The following SV2C variants were observed in gnomAD, a reference collection of about 807,000 sequenced individuals.
The protein encoded by SV2C is solute carrier family 22 member B3.
In SV2C, 49 loss-of-function variants were observed where a neutral mutation model predicts 79.7. That is an observed-to-expected ratio of 0.61 (90% confidence interval 0.49 to 0.78). SV2C has a LOEUF of 0.78. Ranked by LOEUF, SV2C falls within the 30% of genes least tolerant of loss-of-function variation. The pLI, the probability that SV2C is intolerant of heterozygous loss-of-function variation, is 0.00. For synonymous variants in SV2C, 334 were observed against 333.2 expected, an observed-to-expected ratio of 1.00 and a Z score of -0.03; for missense variants, 833 against 912.9, an observed-to-expected ratio of 0.91 and a Z score of 1.13.
the SV2C span, among the ~76,000 whole-genome samples, chr5:75,851,350 T>A: frequency 6.6e-6 from 1 of 152,228 alleles, no homozygotes; most frequent in African/African-American, 2.4e-5. Flanking sequence ...CAGAGTTCAA[T>A]TTTTGAGTTT....
chr5:75,916,217 TTCC>T, the SV2C span, among the ~76,000 whole-genome samples: 1 of 147,586 alleles, frequency 6.8e-6, no homozygotes, highest in Admixed American at 6.7e-5. Flanking sequence ...CCTCCTCCTC[TTCC>T]TCCCCTTCCC....
chr5:75,886,518 C>T, the SV2C span, among the ~76,000 whole-genome samples: 1 of 152,150 alleles, frequency 6.6e-6, no homozygotes, highest in Non-Finnish European at 1.5e-5. Flanking sequence ...TAGTTTTTCT[C>T]ATTTTCAGCC....
chr5:76,061,536 T>C, the SV2C span, among the ~76,000 whole-genome samples: 1 of 152,100 alleles, frequency 6.6e-6, no homozygotes, highest in East Asian at 1.9e-4. Context: ...CCCTGTTTGA[T>C]TCAGAGATAG....
At chr5:76,265,927 T>G (rs907250799) in intron 4 of SV2C, among the ~76,000 whole-genome samples, 1 of 152,172 alleles carries the variant, frequency 6.6e-6, no homozygotes, top group Non-Finnish European at 1.5e-5. Flanking sequence ...TTGGCCATCT[T>G]GCCAGATGCC....
At chr5:76,170,382 G>A (rs1743184619) in intron 2 of SV2C, among the ~76,000 whole-genome samples, 2 of 117,870 alleles carry the variant, frequency 1.7e-5, no homozygotes, top group African/African-American at 6.6e-5. Flanking sequence ...CGTTACACAT[G>A]TGAAACAATC....
chr5:76,187,404 C>T (rs1743954901), intron 2 of SV2C, among the ~76,000 whole-genome samples: 1 of 152,088 alleles, frequency 6.6e-6, no homozygotes, highest in African/African-American at 2.4e-5. Context: ...ATTATCTGCC[C>T]ATGTTTGGTC....
At chr5:75,854,697 GAGA>G in the SV2C span, among the ~76,000 whole-genome samples, 1 of 152,074 alleles carries the variant, frequency 6.6e-6, no homozygotes, top group South Asian at 2.1e-4. Context: ...ATCTTTTGAA[GAGA>G]AGTTTTTTCT....
chr5:76,043,786 A>G, the SV2C span, among the ~76,000 whole-genome samples: 9 of 152,172 alleles, frequency 5.9e-5, no homozygotes, highest in Non-Finnish European at 1.2e-4. Context: ...TCCTTTTTCC[A>G]TAGTGTAAAA....
Position 76,332,059 on chromosome 5 carries a change from C to T in SV2C, c.*6512C>T, listed in dbSNP as rs1749203458. 1 of 152,186 alleles carries T rather than the reference C, an allele frequency of 6.6e-6. No individual in the cohort carries two copies. Among genetic ancestry groups the T allele is most frequent in the Non-Finnish European group, 1.5e-5 (1 of 68,050 alleles). 9.4% of individuals were successfully genotyped at this position (152,186 alleles called of 1,614,324 possible). On this transcript the variant is annotated 3_prime_UTR_variant, in exon 13 of 13. Transcript: ENST00000502798. ...TTGGCTAGTGGAGGTAGATGGTACT[C>T]TCCATGTCTGCAGAAGATTCCCCAC...
Position 76,298,858 on chromosome 5 carries a change from G to A in SV2C, c.1567G>A (p.Glu523Lys), listed in dbSNP as rs1365644123. Residue 523 changes from glutamate (E) to lysine (K), a missense_variant, in exon 10 of 13, where the codon GAG (glutamate) becomes AAG (lysine). Physicochemically the swap from Glu to Lys is moderately conservative, Grantham distance 56. Coordinates refer to ENST00000502798, the MANE Select transcript of SV2C (RefSeq NM_014979.4). ...CTCTGTTTTTAAGTCCTGCACCTTT[G>A]AGGATGTAACTTCAGTGAACACCTA... ...KDSVFKSCTF[E>K]DVTSVNTYFK... is the part of the protein sequence containing the mutation. 2 of 1,613,960 alleles carry A rather than the reference G, an allele frequency of 1.2e-6. No individual in the cohort carries two copies. Among genetic ancestry groups the A allele is most frequent in the East Asian group, 4.5e-5 (2 of 44,878 alleles).
chr5:75,962,054 A>G, the SV2C span, among the ~76,000 whole-genome samples: 1 of 152,036 alleles, frequency 6.6e-6, no homozygotes, highest in African/African-American at 2.4e-5. Context: ...CCACAATCCT[A>G]CTTGGCACTG....
At chr5:76,202,643 A>G (rs1012853709) in intron 3 of SV2C, among the ~76,000 whole-genome samples, 6 of 152,246 alleles carry the variant, frequency 3.9e-5, no homozygotes, top group African/African-American at 1.4e-4. Context: ...ATGAGGCAAC[A>G]GTCAAGATTA....
chr5:75,940,146 G>A, the SV2C span, among the ~76,000 whole-genome samples: 2 of 152,084 alleles, frequency 1.3e-5, no homozygotes, highest in Non-Finnish European at 2.9e-5. Context: ...GGCATTTTAT[G>A]TTTATTTAAC....
chr5:76,016,474 T>C, the SV2C span, among the ~76,000 whole-genome samples: 3 of 151,932 alleles, frequency 2.0e-5, no homozygotes, highest in African/African-American at 7.2e-5. Flanking sequence ...GGGGAGAATG[T>C]GAGAGAGCAA....
At chr5:76,066,173 C>T in the SV2C span, among the ~76,000 whole-genome samples, 1 of 151,866 alleles carries the variant, frequency 6.6e-6, no homozygotes, top group Non-Finnish European at 1.5e-5. Flanking sequence ...GCACTATTCA[C>T]AATAGCAAAG....
intron 4 of SV2C, among the ~76,000 whole-genome samples, chr5:76,248,022 G>T (rs1412821417): frequency 6.6e-6 from 1 of 152,192 alleles, no homozygotes; most frequent in Non-Finnish European, 1.5e-5. Context: ...AACCTGGAGA[G>T]TTTTTGGTTC....
chr5:76,273,901 C>T (rs75822995), intron 4 of SV2C, among the ~76,000 whole-genome samples: 1,538 of 152,272 alleles, frequency 0.01, 25 homozygotes, highest in African/African-American at 0.034. Flanking sequence ...GATTTCAGCT[C>T]AAGGGGAACG....
the SV2C span, among the ~76,000 whole-genome samples, chr5:75,928,265 A>C: frequency 9.9e-5 from 15 of 152,114 alleles, no homozygotes; most frequent in Non-Finnish European, 1.9e-4. Flanking sequence ...CATTAATTTT[A>C]TTTCATTTCA....
At chr5:75,980,192 T>G in the SV2C span, among the ~76,000 whole-genome samples, 17 of 152,188 alleles carry the variant, frequency 1.1e-4, no homozygotes, top group African/African-American at 4.1e-4. Flanking sequence ...TGAACAGACC[T>G]GTAAAGAGCT....
Sources: allele counts gnomAD v4.1 joint callset (sites outside exome capture counted in the v4.1 genomes callset), GRCh38; gene constraint gnomAD v4.1.1; transcripts MANE v1.5; gene names NCBI Gene and HGNC (gene_info 2026-07-23, HGNC 2026-07-21).